NUP210L: variants seen among roughly 807,000 people sequenced by gnomAD.
NUP210L encodes nuclear pore membrane glycoprotein 210-like.
Under a neutral mutation model 208.5 loss-of-function variants are expected in NUP210L, and 74 were observed. The ratio of observed to expected loss-of-function variants is 0.35; its 90% CI spans 0.29 to 0.43. The LOEUF (loss-of-function observed/expected upper bound fraction) is 0.43, where lower values mean the gene tolerates loss of function less well. Among genes scored for constraint, NUP210L ranks in the 20% least tolerant of loss-of-function variants. The pLI is 1.00. For missense variants in NUP210L, 1,843 were observed against 2,289.4 expected, an observed-to-expected ratio of 0.81 and a Z score of 3.98; for synonymous variants, 780 against 816.9, an observed-to-expected ratio of 0.95 and a Z score of 0.77.
chr1:154,062,583 T>G, intron 17 of NUP210L, among the ~76,000 whole-genome samples: 1 of 132,252 alleles, frequency 7.6e-6, no homozygotes, highest in Admixed American at 7.6e-5. Context: ...TTTTTTTTTT[T>G]TTTTTTTGTG....
chr1:154,112,456 A>T (rs1657090172), intron 12 of NUP210L, among the ~76,000 whole-genome samples: 1 of 152,198 alleles, frequency 6.6e-6, no homozygotes. Flanking sequence ...AATGTTTGTA[A>T]CACAAAGAAA....
intron 37 of NUP210L, chr1:153,995,537 C>G: frequency 4.7e-6 from 3 of 639,992 alleles, no homozygotes; most frequent in Non-Finnish European, 8.6e-6. Flanking sequence ...ATTTCTTCCT[C>G]TTAGATTTCA....
intron 38 of NUP210L, 109 bp from the exon 39 acceptor site, chr1:153,993,198 A>G (rs1649578537): frequency 1.5e-6 from 1 of 681,244 alleles, no homozygotes; most frequent in Non-Finnish European, 2.4e-6. Context: ...AAAATAAGTA[A>G]TAGTAATGGC....
At chr1:154,091,071 G>GTTA (rs111324293) in intron 15 of NUP210L, among the ~76,000 whole-genome samples, 43,440 of 140,454 alleles carry the variant, frequency 0.31, 6,991 homozygotes, top group Non-Finnish European at 0.37. Context: ...TATTATTGCT[G>GTTA]TTATTATTAT....
At chr1:154,089,951 C>A (rs1042046238) in intron 15 of NUP210L, among the ~76,000 whole-genome samples, 14 of 152,064 alleles carry the variant, frequency 9.2e-5, no homozygotes, top group African/African-American at 3.4e-4. Context: ...GTGGTGCACA[C>A]CTGTAGTCTC....
chr1:154,148,614 G>A (rs1427646827), intron 2 of NUP210L, among the ~76,000 whole-genome samples: 2 of 152,202 alleles, frequency 1.3e-5, no homozygotes, highest in Non-Finnish European at 2.9e-5. Flanking sequence ...ACTAGGTAAA[G>A]GGTATATGGG....
At chr1:154,037,698 CT>C (rs1157275807) in intron 27 of NUP210L, among the ~76,000 whole-genome samples, 2 of 151,840 alleles carry the variant, frequency 1.3e-5, no homozygotes, top group Admixed American at 1.3e-4. Context: ...GAGATGGAGA[CT>C]TGCTCCTCGC....
chr1:154,141,309 G>A (rs1354294316), intron 4 of NUP210L, 122 bp downstream of exon 4: 22 of 667,832 alleles, frequency 3.3e-5, no homozygotes, highest in Non-Finnish European at 4.1e-5. Flanking sequence ...TAATTTATCA[G>A]TTTCAAAAAA....
intron 8 of NUP210L, among the ~76,000 whole-genome samples, chr1:154,128,635 G>A (rs778871981): frequency 2.6e-5 from 4 of 152,142 alleles, no homozygotes; most frequent in African/African-American, 9.7e-5. Context: ...CAAATCGCTT[G>A]AGCTCAGGAG....
chr1:154,149,035 C>T (rs1190037270), intron 2 of NUP210L, among the ~76,000 whole-genome samples: 2 of 151,380 alleles, frequency 1.3e-5, no homozygotes, highest in African/African-American at 4.9e-5. Flanking sequence ...AAGGAAAAGT[C>T]TTGTGCACAC....
At chr1:154,125,650 G>A (rs1263196173) in intron 10 of NUP210L, among the ~76,000 whole-genome samples, 1 of 1,106 alleles carries the variant, frequency 9.0e-4, no homozygotes, top group Non-Finnish European at 4.2e-3. Context: ...AGGAAGGAAG[G>A]AAGGAAGGAA....
intron 8 of NUP210L, among the ~76,000 whole-genome samples, chr1:154,127,621 G>C (rs932376062): frequency 6.9e-6 from 1 of 144,780 alleles, no homozygotes; most frequent in Admixed American, 7.3e-5. Flanking sequence ...GATGATTTCG[G>C]CTCACTGCAA....
exon 19 of NUP210L, chr1:154,061,010 G>A (rs1403662453): frequency 1.2e-5 from 19 of 1,613,530 alleles, no homozygotes; most frequent in Middle Eastern, 1.7e-4. Flanking sequence ...ACCAGGAGCA[G>A]TTCCACATCT....
chr1:154,093,907 T>C (rs1304867498), intron 15 of NUP210L, among the ~76,000 whole-genome samples: 2 of 152,116 alleles, frequency 1.3e-5, no homozygotes, highest in Non-Finnish European at 2.9e-5. Context: ...TCCCAGCACT[T>C]TGGGAGGCCA....
At chr1:154,011,233 T>C (rs1388847776) in intron 34 of NUP210L, among the ~76,000 whole-genome samples, 3 of 151,458 alleles carry the variant, frequency 2.0e-5, no homozygotes, top group Non-Finnish European at 4.4e-5. Flanking sequence ...ATTTTTTTTT[T>C]TTTTTTTTGA....
At chr1:154,062,567 CTTTTTTTTTTT>C (rs34499821) in intron 17 of NUP210L, among the ~76,000 whole-genome samples, 1 of 74,974 alleles carries the variant, frequency 1.3e-5, no homozygotes, top group African/African-American at 5.4e-5. Flanking sequence ...TTTCTTTTTC[CTTTTTTTTTTT>C]TTTTTTTTTT....
intron 33 of NUP210L, among the ~76,000 whole-genome samples, chr1:154,015,748 CA>C (rs55749443): frequency 4.0e-5 from 6 of 150,800 alleles, no homozygotes; most frequent in Non-Finnish European, 8.9e-5. Context: ...CACACACACA[CA>C]CCCCACAGAA....
In NUP210L at chr1:154,086,092, A is replaced by C. The variant is rs186360116; in HGVS notation, c.2361+3329T>G. On this transcript the variant is annotated intron_variant, in intron 16 of 39. Transcript: ENST00000368559. ...CCAGGCATGGTGGCGGGCACCTGTA[A>C]TTCCAGCTACTGGGGAGGCTGAGGC... 1.8e-3 allele frequency among the ~76,000 whole-genome samples: 271 copies of C among 152,042 alleles called. 1 individual carries two copies. The highest frequency in any genetic ancestry group is 3.0e-3 in the Admixed American group (45 of 15,252).
chr1:154,093,150 C>G (rs577462281), intron 15 of NUP210L, among the ~76,000 whole-genome samples: 1 of 151,092 alleles, frequency 6.6e-6, no homozygotes, highest in South Asian at 2.2e-4. Context: ...AATTTTAGGC[C>G]GGGTGCGGTG....
Sources: gnomAD v4.1 joint callset for allele counts (sites outside exome capture counted in the v4.1 genomes callset) on GRCh38, gnomAD v4.1.1 for gene constraint, MANE v1.5 for transcripts, NCBI Gene and HGNC (gene_info 2026-07-23, HGNC 2026-07-21) for gene names.